The following SCN3A variants were observed in gnomAD, a reference collection of about 807,000 sequenced individuals.
SCN3A encodes the protein sodium channel protein type 3 subunit alpha.
Under a neutral mutation model 187.6 loss-of-function variants are expected in SCN3A, and 60 were observed. That is an observed-to-expected ratio of 0.32 (90% confidence interval 0.26 to 0.40). SCN3A has a LOEUF of 0.40. Among genes scored for constraint, SCN3A ranks in the 10% least tolerant of loss-of-function variants. SCN3A has a pLI of 1.00. For synonymous variants in SCN3A, 788 were observed against 829.2 expected (o/e 0.95, Z 0.85); for missense variants, 1,601 against 2,428.2 (o/e 0.66, Z 7.16).
At chr2:165,142,471 G>C (rs1223278318) in intron 12 of SCN3A, among the ~76,000 whole-genome samples, 1 of 152,136 alleles carries the variant, frequency 6.6e-6, no homozygotes, top group Non-Finnish European at 1.5e-5. Context: ...TTTGGATTTG[G>C]TTAGATTCTC....
At chr2:165,169,778 T>C (rs1049158814) in intron 4 of SCN3A, among the ~76,000 whole-genome samples, 6 of 151,900 alleles carry the variant, frequency 3.9e-5, no homozygotes, top group African/African-American at 1.4e-4. Flanking sequence ...TATTTTATCA[T>C]TACTTGAGAA....
rs1318745757 is a variant in SCN3A, at chr2:165,097,479, C to T, written c.4012G>A (p.Val1338Met). 6.2e-7 allele frequency: 1 copy of T among 1,614,044 alleles called. No homozygotes were observed. The highest frequency in any genetic ancestry group is 2.2e-5 in the East Asian group (1 of 44,874). The change falls in exon 23 of 28, where the codon GTG (valine) becomes ATG (methionine). Residue 1338 changes from valine to methionine, a missense_variant. Physicochemically the swap from Val to Met is conservative, Grantham distance 21. Transcript: ENST00000283254. ...CAGAAGATGAGACAGACCAACAGCA[C>T]ATTCATGATAGAGGGAATTGCTCCA... is the stretch of plus-strand genomic sequence containing the variant. ...LVGAIPSIMNVLLVCLIFWLI... is the reference protein window; with the variant it reads ...LVGAIPSIMNMLLVCLIFWLI...
intron 1 of SCN3A, among the ~76,000 whole-genome samples, chr2:165,189,492 T>G (rs771355413): frequency 4.6e-5 from 7 of 152,196 alleles, no homozygotes; most frequent in Non-Finnish European, 1.0e-4. Flanking sequence ...GGAGAAATTC[T>G]TTGGTTTTCA....
intron 5 of SCN3A, among the ~76,000 whole-genome samples, chr2:165,168,507 A>G (rs1461053826): frequency 1.3e-5 from 2 of 152,048 alleles, no homozygotes; most frequent in Non-Finnish European, 2.9e-5. Context: ...CAGAAAGCAT[A>G]TACTAATTTA....
intron 5 of SCN3A, among the ~76,000 whole-genome samples, chr2:165,168,241 G>A (rs1344427873): frequency 6.6e-6 from 1 of 151,966 alleles, no homozygotes; most frequent in African/African-American, 2.4e-5. Flanking sequence ...CATCTAAGCT[G>A]TTTCAGCACA....
At position 165,088,489 on chromosome 2, in the gene SCN3A, A is replaced by G. The variant is rs1684937066; in HGVS notation, c.*1661T>C. On this transcript the variant is annotated 3_prime_UTR_variant, in exon 28 of 28. Transcript: ENST00000283254. ...TATGAATAAAAGGTTATATTGAGGC[A>G]ACCATAGTTGGTAGAAAATGATCTA... The G allele has an allele frequency of 6.6e-6, 1 of 152,506 alleles. No homozygotes were observed. Among genetic ancestry groups the G allele is most frequent in the Admixed American group, 6.6e-5 (1 of 15,264 alleles). 9.4% of individuals were successfully genotyped at this position (152,506 alleles called of 1,614,324 possible).
At chr2:165,180,177 A>T (rs941676465) in intron 2 of SCN3A, among the ~76,000 whole-genome samples, 2 of 152,162 alleles carry the variant, frequency 1.3e-5, no homozygotes, top group African/African-American at 4.8e-5. Context: ...AGTATATCAT[A>T]TTTGAGGAAT....
intron 1 of SCN3A, among the ~76,000 whole-genome samples, chr2:165,200,295 T>C (rs987997985): frequency 2.0e-5 from 3 of 152,080 alleles, no homozygotes; most frequent in East Asian, 1.9e-4. Flanking sequence ...ATGAATAATA[T>C]ATTTTTAGGT....
chr2:165,132,282 T>A (rs568417685), intron 15 of SCN3A, among the ~76,000 whole-genome samples: 12 of 152,250 alleles, frequency 7.9e-5, no homozygotes, highest in Non-Finnish European at 1.5e-4. Flanking sequence ...AAAAACTACT[T>A]TAAAGTTCAT....
At position 165,140,967 on chromosome 2, in the gene SCN3A, G is replaced by A. The variant is rs1687978384; in HGVS notation, c.1703C>T (p.Ser568Phe). 1 of 1,613,978 alleles carries A rather than the reference G, an allele frequency of 6.2e-7. No homozygotes were observed. Among genetic ancestry groups the A allele is most frequent in the African/African-American group, 1.3e-5 (1 of 75,022 alleles). Reference protein sequence around the residue: ...SLLSIRGSLFSPRRNSKTSIF... With the variant: ...SLLSIRGSLFFPRRNSKTSIF... ...GCTTGTTTTGCTATTGCGTCTTGGG[G>A]AAAACAGGGAGCCACGGATACTCAA... Residue 568 changes from serine to phenylalanine, a missense_variant, in exon 13 of 28, where the codon TCC (serine) becomes TTC (phenylalanine). Around this residue, in one of 11 missense-constraint regions of SCN3A, gnomAD observed 376 missense variants for 476.0 expected, o/e 0.79. Transcript: ENST00000283254. The surrounding 1 kb of genome is among the most constrained non-coding windows in gnomAD (Gnocchi z 4.2).
intron 2 of SCN3A, among the ~76,000 whole-genome samples, chr2:165,185,670 C>T (rs1446228295): frequency 6.6e-6 from 1 of 152,154 alleles, no homozygotes; most frequent in African/African-American, 2.4e-5. Context: ...CCCGAACAAC[C>T]TCTGCACTGC....
At chr2:165,160,717 T>C (rs545162287) in intron 9 of SCN3A, among the ~76,000 whole-genome samples, 1 of 152,264 alleles carries the variant, frequency 6.6e-6, no homozygotes, top group Non-Finnish European at 1.5e-5. Flanking sequence ...CTCAGCTCAC[T>C]GCTACCTCCA....
intron 15 of SCN3A, 21 bp downstream of exon 15, chr2:165,137,858 G>A: frequency 6.4e-7 from 1 of 1,558,876 alleles, no homozygotes; most frequent in Non-Finnish European, 8.8e-7. Flanking sequence ...AAGTAAATAA[G>A]TAAACTTCAA....
Position 165,092,024 on chromosome 2 carries a change from C to A in SCN3A, c.4807+230G>T. On this transcript the variant is annotated intron_variant, in intron 27 of 27. Coordinates refer to ENST00000283254, the MANE Select transcript of SCN3A (RefSeq NM_006922.4). This position sits in a 1 kb window ranked among gnomAD's most constrained non-coding sequence, Gnocchi z 4.2. The stretch of plus-strand genomic sequence containing the variant: ...GGAGAGTACCTGATAATGTTTATTT[C>A]CTGTCTTCTTCACCTCTTTCCCAAA... 1 of 580,580 alleles carries A rather than the reference C, an allele frequency of 1.7e-6. No individual in the cohort carries two copies. The highest frequency in any genetic ancestry group is 3.0e-5 in the Admixed American group (1 of 33,522). The allele number at this position is 580,580 out of a possible 1,614,324, so 36.0% of individuals were successfully genotyped here. A position where few individuals can be genotyped will look rare whatever the true frequency, so the allele number is the denominator to read the frequency against.
intron 7 of SCN3A, among the ~76,000 whole-genome samples, 158 bp from the exon 8 acceptor site, chr2:165,162,986 C>T (rs1389079947): frequency 1.3e-5 from 2 of 152,146 alleles, no homozygotes; most frequent in Non-Finnish European, 2.9e-5. Flanking sequence ...AGATGAACAG[C>T]AGATTTTACA....
chr2:165,130,114 A>C lies in SCN3A; in HGVS notation c.2748T>G (p.Asn916Lys). The C allele has an allele frequency of 6.2e-7, 1 of 1,614,188 alleles. No individual in the cohort carries two copies. Residue 916 changes from asparagine (N) to lysine (K), a missense_variant, in exon 17 of 28, where the codon AAT becomes AAG. Physicochemically the swap from Asn to Lys is moderately conservative, Grantham distance 94. This residue lies in a region of SCN3A where 91 missense variants were observed against 207.0 expected (regional missense o/e 0.44). Transcript: ENST00000283254. ...GCCACCGTGGGAGCGTACAGTCATC[A>C]TTGATCTTGCAGACACATTCTTTGT... Reference protein sequence around the residue: ...KSYKECVCKINDDCTLPRWHM... With the variant: ...KSYKECVCKIKDDCTLPRWHM...
At chr2:165,147,681 A>G (rs1318729538) in intron 11 of SCN3A, among the ~76,000 whole-genome samples, 1 of 143,564 alleles carries the variant, frequency 7.0e-6, no homozygotes, top group African/African-American at 2.6e-5. Flanking sequence ...ATTATTTAAT[A>G]TTATAAATAA....
chr2:165,128,940 T>G (rs879241524), intron 17 of SCN3A, among the ~76,000 whole-genome samples: 1 of 152,152 alleles, frequency 6.6e-6, no homozygotes, highest in East Asian at 1.9e-4. Context: ...TAAAAGAAAA[T>G]TTATAATAAT....
At chr2:165,156,261 C>T (rs1395235121) in intron 9 of SCN3A, among the ~76,000 whole-genome samples, 2 of 151,932 alleles carry the variant, frequency 1.3e-5, no homozygotes, top group Non-Finnish European at 2.9e-5. Context: ...AATCCCAGCA[C>T]TTTGGGAGGC....
Sources: gnomAD v4.1 joint callset for allele counts (sites outside exome capture counted in the v4.1 genomes callset) on GRCh38, gnomAD v4.1.1 for gene constraint, gnomAD v4.1.1 regional missense constraint, Gnocchi (gnomAD v3.1) non-coding constraint, MANE v1.5 for transcripts, NCBI Gene and HGNC (gene_info 2026-07-23, HGNC 2026-07-21) for gene names.